EPHB1: variants seen among roughly 807,000 people sequenced by gnomAD.
EPHB1 encodes EPH receptor B1.
In EPHB1, 30 loss-of-function variants were observed where a neutral mutation model predicts 94.4. The ratio of observed to expected loss-of-function variants is 0.32; its 90% CI spans 0.24 to 0.43. EPHB1 has a LOEUF of 0.43. EPHB1 is among the 20% of genes least tolerant of loss of function. The pLI is 1.00. For missense variants in EPHB1, 1,055 were observed against 1,308.3 expected, an observed-to-expected ratio of 0.81 and a Z score of 2.99; for synonymous variants, 522 against 489.1, an observed-to-expected ratio of 1.07 and a Z score of -0.89.
At chr3:134,850,012 G>T (rs895233256) in intron 1 of EPHB1, among the ~76,000 whole-genome samples, 1 of 152,188 alleles carries the variant, frequency 6.6e-6, no homozygotes, top group Admixed American at 6.5e-5. Flanking sequence ...CCAGCAGCAG[G>T]TGGCCTTGAC....
chr3:134,936,555 C>T (rs927426313), intron 2 of EPHB1, among the ~76,000 whole-genome samples: 1 of 152,074 alleles, frequency 6.6e-6, no homozygotes, highest in Non-Finnish European at 1.5e-5. Context: ...TCCTCAGTGT[C>T]AGTGGGGCTG....
intron 4 of EPHB1, among the ~76,000 whole-genome samples, chr3:135,127,132 C>T (rs574635876): frequency 7.9e-5 from 12 of 152,304 alleles, no homozygotes; most frequent in Non-Finnish European, 1.8e-4. Flanking sequence ...TTCTCAAGGT[C>T]AACCAACTAG....
At chr3:134,873,671 G>A (rs2037549221) in intron 1 of EPHB1, among the ~76,000 whole-genome samples, 1 of 152,214 alleles carries the variant, frequency 6.6e-6, no homozygotes, top group Non-Finnish European at 1.5e-5. Flanking sequence ...AGCAGGGTTT[G>A]CACGGTAGTG....
chr3:134,956,022 ACTCT>A (rs145236332), intron 3 of EPHB1, among the ~76,000 whole-genome samples: 2 of 149,702 alleles, frequency 1.3e-5, no homozygotes, highest in Non-Finnish European at 1.5e-5. Context: ...CTCTCAGCAG[ACTCT>A]CTCTCTCTCT....
At chr3:134,816,377 G>A (rs2036273683) in intron 1 of EPHB1, among the ~76,000 whole-genome samples, 1 of 148,028 alleles carries the variant, frequency 6.8e-6, no homozygotes, top group African/African-American at 2.7e-5. Flanking sequence ...ACAGGTGTGA[G>A]CCACCGTGCC....
At chr3:135,180,459 A>G (rs1942123668) in intron 10 of EPHB1, among the ~76,000 whole-genome samples, 1 of 152,172 alleles carries the variant, frequency 6.6e-6, no homozygotes, top group Non-Finnish European at 1.5e-5. Flanking sequence ...CTGTTTCCAG[A>G]AGAAAGTCAA....
intron 4 of EPHB1, among the ~76,000 whole-genome samples, chr3:135,124,653 A>C (rs1252834886): frequency 6.6e-6 from 1 of 151,754 alleles, no homozygotes; most frequent in East Asian, 1.9e-4. Flanking sequence ...TCCAGAATTC[A>C]ACTCAGTTCT....
chr3:134,813,510 G>A (rs1041938076), intron 1 of EPHB1, among the ~76,000 whole-genome samples: 12 of 152,196 alleles, frequency 7.9e-5, no homozygotes, highest in African/African-American at 2.9e-4. Context: ...ATGGTGGTCT[G>A]AAACCATGCA....
chr3:134,964,209 C>G (rs36127), intron 3 of EPHB1, among the ~76,000 whole-genome samples: 151,170 of 152,332 alleles, frequency 0.99, 75,014 homozygotes, highest in Middle Eastern at 1. Context: ...AGTAGAGGGA[C>G]CTCCGAAGAA....
At position 134,863,551 on chromosome 3, in the gene EPHB1, C is replaced by A. The variant is rs572872754; in HGVS notation, c.59-62265C>A. 8.1e-4 allele frequency among the ~76,000 whole-genome samples: 124 copies of A among 152,324 alleles called. 1 individual carries two copies. The highest frequency in any genetic ancestry group is 3.0e-3 in the African/African-American group (124 of 41,558). ...GGAAGAAATTAGGTAAAAGGAGAAT[C>A]AATACTGGTGCTAAGTTTTTAAAGA... On this transcript the variant is annotated intron_variant, in intron 1 of 15. Coordinates refer to ENST00000398015, the MANE Select transcript of EPHB1 (RefSeq NM_004441.5).
At chr3:134,966,511 A>G (rs546639988) in intron 3 of EPHB1, among the ~76,000 whole-genome samples, 132 of 152,360 alleles carry the variant, frequency 8.7e-4, no homozygotes, top group African/African-American at 3.1e-3. Flanking sequence ...TCAATAGCCC[A>G]GTAAACAATA....
chr3:135,170,846 C>T (rs1456458849), intron 9 of EPHB1, among the ~76,000 whole-genome samples: 1 of 152,090 alleles, frequency 6.6e-6, no homozygotes, highest in Non-Finnish European at 1.5e-5. Context: ...AAGATAAGAG[C>T]TTGTTAAGGG....
chr3:134,823,204 G>A (rs765737748), intron 1 of EPHB1, among the ~76,000 whole-genome samples: 7 of 152,158 alleles, frequency 4.6e-5, no homozygotes, highest in Non-Finnish European at 4.4e-5. Flanking sequence ...CTTGAGTAAC[G>A]ACTCAACTGC....
intron 4 of EPHB1, among the ~76,000 whole-genome samples, chr3:135,112,619 T>G (rs1191775855): frequency 1.4e-5 from 2 of 144,368 alleles, no homozygotes; most frequent in Non-Finnish European, 3.0e-5. Context: ...AATTCCGACC[T>G]CTGAGTGAGG....
chr3:135,062,036 T>A (rs184503992), intron 3 of EPHB1, among the ~76,000 whole-genome samples: 1 of 152,342 alleles, frequency 6.6e-6, no homozygotes, highest in East Asian at 1.9e-4. Context: ...TTTGCTATTG[T>A]GAATAGTGCT....
At chr3:134,976,623 C>T (rs1395872688) in intron 3 of EPHB1, among the ~76,000 whole-genome samples, 1 of 152,194 alleles carries the variant, frequency 6.6e-6, no homozygotes, top group Non-Finnish European at 1.5e-5. Context: ...ATCTCCTCCT[C>T]TATGCATCTG....
chr3:135,025,480 C>T (rs1346331628), intron 3 of EPHB1, among the ~76,000 whole-genome samples: 6 of 80,656 alleles, frequency 7.4e-5, no homozygotes, highest in Non-Finnish European at 1.2e-4. Context: ...TTTGTTCTTG[C>T]GATAGTTTAC....
chr3:134,987,327 T>G (rs1934635534), intron 3 of EPHB1, among the ~76,000 whole-genome samples: 1 of 152,228 alleles, frequency 6.6e-6, no homozygotes, highest in East Asian at 1.9e-4. Flanking sequence ...CCTAAGGCTC[T>G]AATGTCCTCT....
intron 12 of EPHB1, among the ~76,000 whole-genome samples, chr3:135,225,514 C>T (rs574497165): frequency 2.0e-5 from 3 of 152,264 alleles, no homozygotes; most frequent in South Asian, 4.1e-4. Context: ...TTGCGAGGCT[C>T]GCAGTTCATT....
Sources: gnomAD v4.1 joint callset for allele counts (sites outside exome capture counted in the v4.1 genomes callset) on GRCh38, gnomAD v4.1.1 for gene constraint, MANE v1.5 for transcripts, NCBI Gene and HGNC (gene_info 2026-07-23, HGNC 2026-07-21) for gene names.